The following PCDHA7 variants were observed in gnomAD, a reference collection of about 807,000 sequenced individuals.
PCDHA7 encodes the protein protocadherin alpha-7.
PCDHA7 carries 37 observed loss-of-function variants against 57.2 expected under a neutral mutation model. That is an observed-to-expected ratio of 0.65 (90% confidence interval 0.50 to 0.85). The LOEUF is 0.85. PCDHA7 is among the 40% of genes least tolerant of loss of function. The pLI is 0.00. For missense variants in PCDHA7, 1,188 were observed against 1,241.8 expected, an observed-to-expected ratio of 0.96 and a Z score of 0.65; for synonymous variants, 553 against 558.8, an observed-to-expected ratio of 0.99 and a Z score of 0.15.
At chr5:140,966,692 G>A in intron 1 of PCDHA7, 2 of 1,352,080 alleles carry the variant, frequency 1.5e-6, no homozygotes, top group East Asian at 2.9e-5. Context: ...CGGAGGCGGG[G>A]CCCGGGCGTG....
intron 1 of PCDHA7, among the ~76,000 whole-genome samples, chr5:140,872,690 T>C (rs1485284839): frequency 6.6e-6 from 1 of 152,210 alleles, no homozygotes; most frequent in Non-Finnish European, 1.5e-5. Context: ...ATGGCATGAT[T>C]TATGATTCCA....
intron 1 of PCDHA7, among the ~76,000 whole-genome samples, chr5:140,956,900 A>C (rs1004581720): frequency 6.6e-6 from 1 of 152,240 alleles, no homozygotes; most frequent in East Asian, 1.9e-4. Context: ...GAATATTCTT[A>C]AATGTATAAA....
chr5:140,857,677 T>C lies in PCDHA7; in HGVS notation c.2355+20939T>C, dbSNP rs377237803. 36 of 1,596,766 alleles carry C rather than the reference T, an allele frequency of 2.3e-5. 2 individuals carry two copies. In the African/African-American group the frequency reaches 4.6e-4, roughly 20 times the overall value. On this transcript the variant is annotated intron_variant, in intron 1 of 3. Transcript: ENST00000525929. ...GCGCGCGCGATGGGGGCGTGCCGCC[T>C]CTGGGCAGCAACTTGACGCTGCAGG...
At chr5:140,876,165 C>G in intron 1 of PCDHA7, 17 of 1,613,944 alleles carry the variant, frequency 1.1e-5, no homozygotes, top group Non-Finnish European at 1.4e-5. Flanking sequence ...TTCAAATAAC[C>G]GTCCTGGATG....
chr5:140,968,232 G>T, intron 1 of PCDHA7: 2 of 1,613,990 alleles, frequency 1.2e-6, no homozygotes, highest in Non-Finnish European at 1.7e-6. Context: ...GTGTTGCTCT[G>T]TACTGTGCAA....
chr5:140,856,238 C>T lies in PCDHA7; in HGVS notation c.2355+19500C>T, dbSNP rs1250461159. On this transcript the variant is annotated intron_variant, in intron 1 of 3. Transcript: ENST00000525929. ...GGCGGAGCTGGTGCAGCGCCTGTTC[C>T]GGGTGGCGTCCAAAAGACACGGGGA... The T allele has an allele frequency of 5.6e-6, 9 of 1,597,934 alleles. 1 individual carries two copies. Among genetic ancestry groups the T allele is most frequent in the Non-Finnish European group, 7.7e-6 (9 of 1,167,850 alleles).
In PCDHA7 at chr5:140,876,046, C is replaced by T. The variant is rs781957967; in HGVS notation, c.2355+39308C>T. 1.5e-5 allele frequency: 24 copies of T among 1,613,720 alleles called. No individual in the cohort carries two copies. The Admixed American group carries it at 1.7e-4, about 11-fold the overall frequency. Reference sequence around the variant, plus strand: ...AACAAAAAAAGATAAAAGTATATTGCCTGAATTAGTTCTTCGGAAGTTATT... The same window carrying T: ...AACAAAAAAAGATAAAAGTATATTGTCTGAATTAGTTCTTCGGAAGTTATT... On this transcript the variant is annotated intron_variant, in intron 1 of 3. Transcript: ENST00000525929.
intron 1 of PCDHA7, among the ~76,000 whole-genome samples, chr5:140,954,250 T>C (rs1018325931): frequency 6.6e-6 from 1 of 152,252 alleles, no homozygotes; most frequent in Non-Finnish European, 1.5e-5. Context: ...AACATACACA[T>C]GCAGGTATCT....
chr5:140,941,202 C>CCTTCCTTTCTTTCTTTCTTT lies in PCDHA7; in HGVS notation c.2356-37744_2356-37743insCCTTTCTTTCTTTCTTTCTT, dbSNP rs1554213920. 2.0e-4 allele frequency among the ~76,000 whole-genome samples: 24 copies of CCTTCCTTTCTTTCTTTCTTT among 122,828 alleles called. 1 individual carries two copies. Among genetic ancestry groups the CCTTCCTTTCTTTCTTTCTTT allele is most frequent in the Non-Finnish European group, 2.3e-4 (13 of 55,838 alleles). The allele number at this position is 122,828 out of a possible 152,430, so 80.6% of individuals were successfully genotyped here. A position where few individuals can be genotyped will look rare whatever the true frequency, so the allele number is the denominator to read the frequency against. ...TCCTGCTTCTTTTTTTTTCTTTCTTCCTTTCTTTCTTCCTTTCTTTCTTTC... is the reference window on the plus strand; with the variant it reads ...TCCTGCTTCTTTTTTTTTCTTTCTTCCTTCCTTTCTTTCTTTCTTTCTTTCTTTCTTCCTTTCTTTCTTTC... On this transcript the variant is annotated intron_variant, in intron 1 of 3. Coordinates refer to ENST00000525929, the MANE Select transcript of PCDHA7 (RefSeq NM_018910.3).
rs2150436326 is a variant in PCDHA7 at position 140,849,370 on chromosome 5, A to C, written c.2355+12632A>C. ...GATGTTTCTCCAGATATAAAATCCA[A>C]GTTCCACATGGACCCCTTAAGTGGG... On this transcript the variant is annotated intron_variant, in intron 1 of 3. Transcript: ENST00000525929. 2.7e-6 allele frequency: 4 copies of C among 1,490,456 alleles called. No homozygotes were observed. The East Asian group carries it at 9.1e-5, about 34-fold the overall frequency. The allele number at this position is 1,490,456 out of a possible 1,614,324, so 92.3% of individuals were successfully genotyped here. A position where few individuals can be genotyped will look rare whatever the true frequency, so the allele number is the denominator to read the frequency against.
intron 1 of PCDHA7, chr5:140,857,784 T>A (rs782611887): frequency 6.3e-7 from 1 of 1,597,680 alleles, no homozygotes; most frequent in South Asian, 1.1e-5. Flanking sequence ...GTCAGTGAGC[T>A]GGTGCTGCGG....
chr5:140,949,111 T>C (rs1316111436), intron 1 of PCDHA7, among the ~76,000 whole-genome samples: 1 of 151,772 alleles, frequency 6.6e-6, no homozygotes, highest in African/African-American at 2.4e-5. Context: ...AGTTTACAAA[T>C]ATTTTTGGTT....
chr5:140,941,191 TTTTCTTTCTTCCTTTCTTTCTTCC>T (rs1293685535), intron 1 of PCDHA7, among the ~76,000 whole-genome samples: 31 of 93,206 alleles, frequency 3.3e-4, no homozygotes, highest in African/African-American at 1.1e-3. Context: ...GCTTCTTTTT[TTTTCTTTCTTCCTTTCTTTCTTCC>T]TTTCTTTCTT....
chr5:140,839,279 C>T (rs1208423796), intron 1 of PCDHA7, among the ~76,000 whole-genome samples: 7 of 151,924 alleles, frequency 4.6e-5, no homozygotes, highest in Non-Finnish European at 1.0e-4. Context: ...TAAAACCTTC[C>T]TAGCATATTA....
At chr5:140,844,441 GTTGTA>G (rs1554140652) in intron 1 of PCDHA7, among the ~76,000 whole-genome samples, 1 of 149,004 alleles carries the variant, frequency 6.7e-6, no homozygotes, top group East Asian at 1.9e-4. Flanking sequence ...GATTTTTACA[GTTGTA>G]TTGTCGCCAA....
At chr5:140,882,092 A>C (rs59479) in intron 1 of PCDHA7, 748,334 of 1,137,016 alleles carry the variant, frequency 0.66, 247,467 homozygotes, top group African/African-American at 0.7. Flanking sequence ...CTTCACTGAG[A>C]ACGTTTCCGC....
intron 3 of PCDHA7, among the ~76,000 whole-genome samples, chr5:141,000,421 A>ATATT (rs1265241806): frequency 1.1e-4 from 3 of 27,978 alleles, no homozygotes; most frequent in Non-Finnish European, 1.7e-4. Flanking sequence ...ATATATATAT[A>ATATT]TTTTTTTTTT....
intron 1 of PCDHA7, chr5:140,856,747 T>C (rs2044175443): frequency 2.5e-6 from 4 of 1,596,640 alleles, no homozygotes; most frequent in Non-Finnish European, 3.4e-6. Context: ...TGGTGTTAGA[T>C]GCCAATGATA....
chr5:140,840,702 AT>A (rs1776827167), intron 1 of PCDHA7, among the ~76,000 whole-genome samples: 1 of 152,096 alleles, frequency 6.6e-6, no homozygotes, highest in South Asian at 2.1e-4. Flanking sequence ...GGTTCAGGCA[AT>A]TTGACATTTA....
Sources: gnomAD v4.1 joint callset for allele counts (sites outside exome capture counted in the v4.1 genomes callset) on GRCh38, gnomAD v4.1.1 for gene constraint, MANE v1.5 for transcripts, NCBI Gene and HGNC (gene_info 2026-07-23, HGNC 2026-07-21) for gene names.